ANKRD17: variants seen among roughly 807,000 people sequenced by gnomAD.
ANKRD17 encodes the protein ankyrin repeat domain-containing protein 17.
In ANKRD17, 19 loss-of-function variants were observed where a neutral mutation model predicts 229.7. The observed-to-expected ratio is 0.08, with a 90% CI of 0.06 to 0.12. ANKRD17 has a LOEUF of 0.12. ANKRD17 is among the 10% of genes least tolerant of loss of function. The pLI, the probability that ANKRD17 is intolerant of heterozygous loss-of-function variation, is 1.00. For synonymous variants in ANKRD17, 1,112 were observed against 1,146.1 expected (o/e 0.97, Z 0.60); for missense variants, 2,176 against 3,176.8 (o/e 0.68, Z 7.57).
At chr4:73,167,198 A>G (rs1474360216) in intron 2 of ANKRD17, among the ~76,000 whole-genome samples, 1 of 152,154 alleles carries the variant, frequency 6.6e-6, no homozygotes, top group Non-Finnish European at 1.5e-5. Context: ...TGATGGATAA[A>G]CATACACAGG....
chr4:73,196,543 T>C (rs772763533), intron 1 of ANKRD17, among the ~76,000 whole-genome samples: 5 of 152,190 alleles, frequency 3.3e-5, no homozygotes, highest in Non-Finnish European at 5.9e-5. Context: ...TATACGTTTA[T>C]ATTTACACAC....
chr4:73,122,177 C>A (rs1017605032), intron 18 of ANKRD17, among the ~76,000 whole-genome samples: 1 of 152,040 alleles, frequency 6.6e-6, no homozygotes, highest in Non-Finnish European at 1.5e-5. Context: ...ATAAAAGGTC[C>A]TATATTTTCA....
In ANKRD17 at chr4:73,177,545, ATGC is replaced by A; in HGVS notation, c.394-15_394-13del. On this transcript the variant is annotated splice_polypyrimidine_tract_variant and intron_variant, in intron 1 of 33. Transcript: ENST00000358602. ...ATGAAAGACTCCACCTATAAAACAAATGCAAAAAGAGGGAGGAAGGGAGAAATG... is the reference window on the plus strand; with the variant it reads ...ATGAAAGACTCCACCTATAAAACAAAAAAAAGAGGGAGGAAGGGAGAAATG... 1 of 1,599,094 alleles carries A rather than the reference ATGC, an allele frequency of 6.3e-7. No homozygotes were observed. The highest frequency in any genetic ancestry group is 1.7e-5 in the Admixed American group (1 of 59,618).
chr4:73,135,198 T>C lies in ANKRD17; in HGVS notation c.3153A>G (p.Gln1051=), dbSNP rs1245721006. Residue 1051 remains glutamine, a synonymous_variant, in exon 16 of 34, where the codon CAA becomes CAG. Transcript: ENST00000358602. ...TAGGACTTGGAGTTGGAGTCTGAGG[T>C]TGGGAAATGGATGCAGCAATACTGT... ...PTHSIAASIS[Q]PQTPTPSPII... 6 of 1,613,506 alleles carry C rather than the reference T, an allele frequency of 3.7e-6. No individual in the cohort carries two copies. Among genetic ancestry groups the C allele is most frequent in the African/African-American group, 1.3e-5 (1 of 74,822 alleles).
At chr4:73,096,734 T>C (rs1490064938) in intron 27 of ANKRD17, among the ~76,000 whole-genome samples, 1 of 152,182 alleles carries the variant, frequency 6.6e-6, no homozygotes, top group East Asian at 1.9e-4. Context: ...ACCCTTAAAA[T>C]AAAGTTATCT....
At chr4:73,100,855 C>T (rs1723893735) in intron 25 of ANKRD17, 21 of 985,136 alleles carry the variant, frequency 2.1e-5, no homozygotes, top group Non-Finnish European at 2.5e-5. Flanking sequence ...CACACACATA[C>T]ACACATTGCA....
Position 73,076,278 on chromosome 4 carries a change from G to T in ANKRD17, c.7765C>A (p.Pro2589Thr), listed in dbSNP as rs144043898. Reference sequence around the variant, plus strand: ...ACACTGTTCATGTGAGGTGCCCAGGGTCCAGTCCACACCTATGAATATAGA... The same window carrying T: ...ACACTGTTCATGTGAGGTGCCCAGGTTCCAGTCCACACCTATGAATATAGA... ...NNGPQTVWTG[P>T]WAPHMNSVHM... is the part of the protein sequence containing the mutation. The change falls in exon 34 of 34, where the codon CCC (proline) becomes ACC (threonine). Residue 2589 changes from proline to threonine, a missense_variant. Physicochemically the swap from Pro to Thr is conservative, Grantham distance 38. This residue lies in a region of ANKRD17 where 159 missense variants were observed against 214.3 expected (regional missense o/e 0.74). Transcript: ENST00000358602. 1.1e-5 allele frequency: 17 copies of T among 1,609,242 alleles called. No individual in the cohort carries two copies. The highest frequency in any genetic ancestry group is 3.4e-5 in the Admixed American group (2 of 59,340).
chr4:73,171,178 G>GGAGAGAGAGAGAGAAAGA (rs1733954548), intron 2 of ANKRD17, among the ~76,000 whole-genome samples: 1 of 104,446 alleles, frequency 9.6e-6, no homozygotes, highest in African/African-American at 4.0e-5. Context: ...CTCAGAGGGG[G>GGAGAGAGAGAGAGAAAGA]GAGAGAGAGA....
At chr4:73,112,299 T>C (rs937071517) in intron 24 of ANKRD17, among the ~76,000 whole-genome samples, 9 of 152,188 alleles carry the variant, frequency 5.9e-5, no homozygotes, top group Admixed American at 2.6e-4. Flanking sequence ...CACACTGTTA[T>C]AATAAAAAAA....
chr4:73,159,011 C>G (rs1241265906), intron 3 of ANKRD17, among the ~76,000 whole-genome samples: 1 of 152,234 alleles, frequency 6.6e-6, no homozygotes, highest in Non-Finnish European at 1.5e-5. Context: ...AAGATGACCT[C>G]CAACCCAAAC....
chr4:73,214,478 T>C (rs1159327178), intron 1 of ANKRD17, among the ~76,000 whole-genome samples: 1 of 152,088 alleles, frequency 6.6e-6, no homozygotes, highest in African/African-American at 2.4e-5. Context: ...ACAACTAAGA[T>C]GGTTATTTGC....
intron 2 of ANKRD17, among the ~76,000 whole-genome samples, chr4:73,175,772 G>A (rs956402570): frequency 6.6e-6 from 1 of 152,054 alleles, no homozygotes; most frequent in Non-Finnish European, 1.5e-5. Context: ...AATGAAACTA[G>A]ACCCCGATCT....
chr4:73,221,032 T>C (rs1470635913), intron 1 of ANKRD17, among the ~76,000 whole-genome samples: 1 of 152,184 alleles, frequency 6.6e-6, no homozygotes, highest in African/African-American at 2.4e-5. Context: ...ATTTATTCTT[T>C]GCACTCTGTA....
Position 73,092,208 on chromosome 4 carries a change from T to C in ANKRD17, c.5420A>G (p.Asn1807Ser). The change falls in exon 29 of 34, where the codon AAT becomes AGT. Residue 1807 changes from asparagine to serine, a missense_variant. Around this residue, in one of 18 missense-constraint regions of ANKRD17, gnomAD observed 142 missense variants for 200.4 expected, o/e 0.71. Transcript: ENST00000358602. Reference sequence around the variant, plus strand: ...ATTTGCTGAGGAGCTTTTCAAACGATTCTTTGGAATAAGTTCATCAATTTC... The same window carrying C: ...ATTTGCTGAGGAGCTTTTCAAACGACTCTTTGGAATAAGTTCATCAATTTC... ...DKEIDELIPK[N>S]RLKSSSANSK... 1 of 1,614,188 alleles carries C rather than the reference T, an allele frequency of 6.2e-7. No homozygotes were observed. The highest frequency in any genetic ancestry group is 8.5e-7 in the Non-Finnish European group (1 of 1,180,040).
At chr4:73,207,662 T>A (rs968886338) in intron 1 of ANKRD17, among the ~76,000 whole-genome samples, 1 of 152,088 alleles carries the variant, frequency 6.6e-6, no homozygotes, top group African/African-American at 2.4e-5. Flanking sequence ...AAACAACAAA[T>A]ATTAACAAAG....
chr4:73,225,488 C>T (rs1742367973), intron 1 of ANKRD17, among the ~76,000 whole-genome samples: 1 of 152,114 alleles, frequency 6.6e-6, no homozygotes, highest in South Asian at 2.1e-4. Flanking sequence ...GGCTTTCTCA[C>T]AGAATTATGG....
chr4:73,143,563 T>C lies in ANKRD17; in HGVS notation c.1958-796A>G, dbSNP rs1408161078. On this transcript the variant is annotated intron_variant, in intron 11 of 33. Transcript: ENST00000358602. ...CGATTATGTACATAATGCTATATAT[T>C]CATAACAGTATTCTAAAGCATATCA... 2.6e-5 allele frequency among the ~76,000 whole-genome samples: 4 copies of C among 152,202 alleles called. No homozygotes were observed. In the East Asian group the frequency reaches 7.7e-4, roughly 29 times the overall value.
intron 1 of ANKRD17, chr4:73,222,944 C>T (rs1742055525): frequency 6.7e-7 from 1 of 1,485,436 alleles, no homozygotes; most frequent in South Asian, 1.2e-5. Context: ...CAGATTTCAA[C>T]TTTCATTTCA....
At chr4:73,226,295 C>T (rs1256578586) in intron 1 of ANKRD17, among the ~76,000 whole-genome samples, 1 of 147,278 alleles carries the variant, frequency 6.8e-6, no homozygotes, top group Non-Finnish European at 1.5e-5. Flanking sequence ...ATTAAATGAA[C>T]AAATTCACAG....
Sources: allele counts gnomAD v4.1 joint callset (sites outside exome capture counted in the v4.1 genomes callset), GRCh38; gene constraint gnomAD v4.1.1; regional missense constraint gnomAD v4.1.1; transcripts MANE v1.5; gene names NCBI Gene and HGNC (gene_info 2026-07-23, HGNC 2026-07-21).